The following RAB21 variants were observed in gnomAD, a reference collection of about 807,000 sequenced individuals.
RAB21 encodes ras-related protein Rab-21.
A neutral mutation model predicts 33.1 loss-of-function variants in RAB21; 13 were observed. The observed-to-expected ratio is 0.39, with a 90% confidence interval of 0.26 to 0.62. The LOEUF is 0.62. RAB21 is among the 20% of genes least tolerant of loss of function. RAB21 has a pLI of 0.48. For synonymous variants in RAB21, 91 were observed against 103.7 expected (o/e 0.88, Z 0.74); for missense variants, 234 against 279.1 (o/e 0.84, Z 1.15).
chr12:71,755,017 G>C lies in RAB21; in HGVS notation c.-113G>C, dbSNP rs1216345984. Reference sequence around the variant, plus strand: ...GAGGAGGGCGTGGGGACAGCGCCCGGGTCGGCGGGGCCGGGGCGGTGGGGG... The same window carrying C: ...GAGGAGGGCGTGGGGACAGCGCCCGCGTCGGCGGGGCCGGGGCGGTGGGGG... On this transcript the variant is annotated 5_prime_UTR_variant, in exon 1 of 7. Transcript: ENST00000261263. The C allele has an allele frequency of 5.2e-6, 5 of 967,398 alleles. No homozygotes were observed. In the African/African-American group the frequency reaches 8.8e-5, roughly 17 times the overall value. The allele number at this position is 967,398 out of a possible 1,614,324, so 59.9% of individuals were successfully genotyped here. A position where few individuals can be genotyped will look rare whatever the true frequency, so the allele number is the denominator to read the frequency against.
intron 1 of RAB21, among the ~76,000 whole-genome samples, 175 bp from the exon 2 acceptor site, chr12:71,769,625 A>G (rs1355209628): frequency 6.6e-6 from 1 of 152,148 alleles, no homozygotes; most frequent in Non-Finnish European, 1.5e-5. Flanking sequence ...TTTAGATAAA[A>G]ATGTAAATAA....
In RAB21 at chr12:71,798,732, T is replaced by C. The variant is rs1261862609; in HGVS notation, c.*13059T>C. The C allele has an allele frequency of 6.6e-6, 1 of 152,204 alleles. No individual in the cohort carries two copies. Among genetic ancestry groups the C allele is most frequent in the Non-Finnish European group, 1.5e-5 (1 of 68,044 alleles). The allele number at this position is 152,204 out of a possible 1,614,324, so 9.4% of individuals were successfully genotyped here. On this transcript the variant is annotated 3_prime_UTR_variant, in exon 7 of 7. Transcript: ENST00000261263. ...AGTTTTATAAAACATTGTAATATTC[T>C]AGATATTATTGGTAAGAATGGAGGG... is the stretch of plus-strand genomic sequence containing the variant.
rs1441985938 is a variant in RAB21 at position 71,798,381 on chromosome 12, A to G, written c.*12708A>G. 1 of 152,088 alleles carries G rather than the reference A, an allele frequency of 6.6e-6. No homozygotes were observed. The highest frequency in any genetic ancestry group is 2.4e-5 in the African/African-American group (1 of 41,412). 9.4% of individuals were successfully genotyped at this position (152,088 alleles called of 1,614,324 possible). A position where few individuals can be genotyped will look rare whatever the true frequency, so the allele number is the denominator to read the frequency against. On this transcript the variant is annotated 3_prime_UTR_variant, in exon 7 of 7. Coordinates refer to ENST00000261263, the MANE Select transcript of RAB21 (RefSeq NM_014999.4). ...ATTATAGGTGTGAGGCACCATGCCC[A>G]ACATATAACAATAAATTATATCACT... is the stretch of plus-strand genomic sequence containing the variant.
rs71068802 is a variant in RAB21 at position 71,794,427 on chromosome 12, A to AT, written c.*8783dup. On this transcript the variant is annotated 3_prime_UTR_variant, in exon 7 of 7. Coordinates refer to ENST00000261263, the MANE Select transcript of RAB21 (RefSeq NM_014999.4). Reference sequence around the variant, plus strand: ...ATATTATATATATATATATATATATATTTTTTTTTTTTTTTTTTTTTTTTT... The same window carrying AT: ...ATATTATATATATATATATATATATATTTTTTTTTTTTTTTTTTTTTTTTTT... The AT allele has an allele frequency of 5.3e-3, 148 of 27,966 alleles. 7 individuals carry two copies. Among genetic ancestry groups the AT allele is most frequent in the Non-Finnish European group, 7.4e-3 (114 of 15,456 alleles). The allele number at this position is 27,966 out of a possible 1,614,324, so 1.7% of individuals were successfully genotyped here.
intron 2 of RAB21, among the ~76,000 whole-genome samples, chr12:71,770,085 A>T (rs993421165): frequency 1.3e-5 from 2 of 152,074 alleles, no homozygotes; most frequent in African/African-American, 4.8e-5. Flanking sequence ...CAGAGAGAGG[A>T]CAGGGTGGGT....
In RAB21 at chr12:71,755,161, C is replaced by T; in HGVS notation, c.32C>T (p.Ala11Val). ...GCGGCCGGCGGCGGCGGCGGCGGGG[C>T]GGCGGCGGCGGGCCGAGCCTACTCG... MAAAGGGGGG[A>V]AAAGRAYSFK... Residue 11 changes from alanine (A) to valine (V), a missense_variant, in exon 1 of 7, where the codon GCG becomes GTG. Transcript: ENST00000261263. The T allele has an allele frequency of 4.7e-6, 6 of 1,278,774 alleles. No individual in the cohort carries two copies. Among genetic ancestry groups the T allele is most frequent in the South Asian group, 2.8e-5 (1 of 36,346 alleles). 79.2% of individuals were successfully genotyped at this position (1,278,774 alleles called of 1,614,324 possible). A position where few individuals can be genotyped will look rare whatever the true frequency, so the allele number is the denominator to read the frequency against.
In RAB21 at chr12:71,798,750, A is replaced by G. The variant is rs1434695473; in HGVS notation, c.*13077A>G. On this transcript the variant is annotated 3_prime_UTR_variant, in exon 7 of 7. Transcript: ENST00000261263. ...AATATTCTAGATATTATTGGTAAGA[A>G]TGGAGGGAACAAGTATTTTTGCTGA... 6.6e-6 allele frequency: 1 copy of G among 152,218 alleles called. No individual in the cohort carries two copies. Among genetic ancestry groups the G allele is most frequent in the South Asian group, 2.1e-4 (1 of 4,838 alleles). 9.4% of individuals were successfully genotyped at this position (152,218 alleles called of 1,614,324 possible).
intron 3 of RAB21, among the ~76,000 whole-genome samples, chr12:71,772,958 A>G (rs977072747): frequency 2.0e-5 from 3 of 152,236 alleles, no homozygotes; most frequent in African/African-American, 7.2e-5. Flanking sequence ...TTTGTACACC[A>G]TAAGACCAGA....
intron 1 of RAB21, among the ~76,000 whole-genome samples, chr12:71,759,186 T>A (rs1442975427): frequency 6.6e-6 from 1 of 152,236 alleles, no homozygotes; most frequent in Non-Finnish European, 1.5e-5. Flanking sequence ...ATGTCCTTTT[T>A]AATTTGGATT....
chr12:71,769,896 T>G (rs767512846), intron 2 of RAB21, 37 bp downstream of exon 2: 1 of 1,164,638 alleles, frequency 8.6e-7, no homozygotes, highest in Non-Finnish European at 1.1e-6. Context: ...CGTGGAGGCT[T>G]CTTCCTTTTT....
chr12:71,766,933 T>A (rs868111456), intron 1 of RAB21, among the ~76,000 whole-genome samples: 124 of 152,252 alleles, frequency 8.1e-4, no homozygotes, highest in African/African-American at 2.8e-3. Flanking sequence ...AAGATAAGGC[T>A]TTGAGACTTT....
At chr12:71,785,217 T>C (rs1045773204) in intron 6 of RAB21, among the ~76,000 whole-genome samples, 2 of 152,228 alleles carry the variant, frequency 1.3e-5, no homozygotes, top group African/African-American at 4.8e-5. Context: ...TTTCTAAGTG[T>C]GTTTGGAAAA....
rs1428699438 is a variant in RAB21, at chr12:71,790,110, GAT to G, written c.*4442_*4443del. 1 of 152,128 alleles carries G rather than the reference GAT, an allele frequency of 6.6e-6. No individual in the cohort carries two copies. Among genetic ancestry groups the G allele is most frequent in the East Asian group, 1.9e-4 (1 of 5,202 alleles). 9.4% of individuals were successfully genotyped at this position (152,128 alleles called of 1,614,324 possible). A position where few individuals can be genotyped will look rare whatever the true frequency, so the allele number is the denominator to read the frequency against. The stretch of plus-strand genomic sequence containing the variant: ...CTACTGCAACATTTTCTCTTCAGTA[GAT>G]ATATGAGTAAACATGATGAGTTAAT... On this transcript the variant is annotated 3_prime_UTR_variant, in exon 7 of 7. Transcript: ENST00000261263.
At chr12:71,773,248 T>C (rs1439156219) in intron 3 of RAB21, among the ~76,000 whole-genome samples, 1 of 152,244 alleles carries the variant, frequency 6.6e-6, no homozygotes, top group African/African-American at 2.4e-5. Context: ...AGTTCATAAC[T>C]GGAGTTACTG....
At chr12:71,776,769 G>T (rs1319495058) in intron 4 of RAB21, among the ~76,000 whole-genome samples, 1 of 151,200 alleles carries the variant, frequency 6.6e-6, no homozygotes, top group Non-Finnish European at 1.5e-5. Flanking sequence ...AACTTATTAG[G>T]ATAACTTAAA....
chr12:71,780,362 G>T (rs1305048412), intron 4 of RAB21, among the ~76,000 whole-genome samples: 1 of 152,178 alleles, frequency 6.6e-6, no homozygotes, highest in Non-Finnish European at 1.5e-5. Context: ...TTTTGCCTTT[G>T]TGAGGCAGAA....
intron 4 of RAB21, among the ~76,000 whole-genome samples, chr12:71,774,714 G>A (rs935320234): frequency 2.0e-5 from 3 of 148,696 alleles, no homozygotes; most frequent in Non-Finnish European, 3.0e-5. Context: ...CCAAGATCAC[G>A]CCATTGCACT....
chr12:71,800,071 T>G lies in RAB21; in HGVS notation c.*14398T>G, dbSNP rs1425696563. 2.2e-5 allele frequency: 2 copies of G among 92,510 alleles called. No individual in the cohort carries two copies. Among genetic ancestry groups the G allele is most frequent in the Non-Finnish European group, 3.7e-5 (2 of 53,922 alleles). The allele number at this position is 92,510 out of a possible 1,614,324, so 5.7% of individuals were successfully genotyped here. A position where few individuals can be genotyped will look rare whatever the true frequency, so the allele number is the denominator to read the frequency against. On this transcript the variant is annotated 3_prime_UTR_variant, in exon 7 of 7. Transcript: ENST00000261263. ...CTGAGCAACAGAGTGAGACTCTATC[T>G]CAAAAAAAAAAAAAAAAAAATTAAT...
rs66460518 is a variant in RAB21, at chr12:71,763,101, GCACACACA to G, written c.160-6678_160-6671del. Among the ~76,000 whole-genome samples, 142 of 145,578 alleles carry G rather than the reference GCACACACA, an allele frequency of 9.8e-4. 1 individual carries two copies. Among genetic ancestry groups the G allele is most frequent in the African/African-American group, 3.0e-3 (119 of 39,154 alleles). On this transcript the variant is annotated intron_variant, in intron 1 of 6. Transcript: ENST00000261263. ...ACTAGCAAGAATATTTATTTTGCAC[GCACACACA>G]CACACACACACACACACACAATCTT...
Sources: gnomAD v4.1 joint callset for allele counts (sites outside exome capture counted in the v4.1 genomes callset) on GRCh38, gnomAD v4.1.1 for gene constraint, MANE v1.5 for transcripts, NCBI Gene and HGNC (gene_info 2026-07-23, HGNC 2026-07-21) for gene names.